The following HIBADH variants were observed in gnomAD, a reference collection of about 807,000 sequenced individuals.
HIBADH encodes the protein 3-hydroxyisobutyrate dehydrogenase, also known as 3-hydroxyisobutyrate dehydrogenase, mitochondrial.
HIBADH carries 25 observed loss-of-function variants against 36.1 expected under a neutral mutation model. The ratio of observed to expected loss-of-function variants is 0.69; its 90% CI spans 0.50 to 0.97. The LOEUF (loss-of-function observed/expected upper bound fraction) is 0.97, where lower values mean the gene tolerates loss of function less well. Ranked by LOEUF, HIBADH falls within the 50% of genes least tolerant of loss-of-function variation. The pLI, the probability that HIBADH is intolerant of heterozygous loss-of-function variation, is 0.00. For synonymous variants in HIBADH, 160 were observed against 149.5 expected (o/e 1.07, Z -0.51); for missense variants, 421 against 418.0 (o/e 1.01, Z -0.06).
chr7:27,571,721 T>A (rs953873060), intron 4 of HIBADH, among the ~76,000 whole-genome samples: 7 of 152,196 alleles, frequency 4.6e-5, no homozygotes, highest in Admixed American at 3.9e-4. Context: ...AGTTCTAAGA[T>A]TCCTGGATTA....
At chr7:27,562,895 AATC>A (rs1231167831) in intron 4 of HIBADH, among the ~76,000 whole-genome samples, 2 of 152,186 alleles carry the variant, frequency 1.3e-5, no homozygotes, top group Non-Finnish European at 2.9e-5. Context: ...GTCTATGTTT[AATC>A]ATCATTCCTT....
chr7:27,650,428 A>G (rs1182404219), intron 1 of HIBADH, among the ~76,000 whole-genome samples: 1 of 151,334 alleles, frequency 6.6e-6, no homozygotes, highest in African/African-American at 2.4e-5. Flanking sequence ...ACAACTCTGA[A>G]CTTTCAGAAA....
chr7:27,553,351 A>T (rs1034966158), intron 4 of HIBADH, among the ~76,000 whole-genome samples: 10 of 152,212 alleles, frequency 6.6e-5, no homozygotes, highest in African/African-American at 2.4e-4. Context: ...CCGTTCTTCT[A>T]TCCCAAGTTG....
At chr7:27,659,353 A>G (rs1311942528) in intron 1 of HIBADH, among the ~76,000 whole-genome samples, 2 of 152,246 alleles carry the variant, frequency 1.3e-5, no homozygotes, top group African/African-American at 2.4e-5. Context: ...CAAACAGGTG[A>G]TGAAATAGTA....
chr7:27,649,561 G>C lies in HIBADH; in HGVS notation c.164C>G (p.Ala55Gly). The change falls in exon 2 of 8, where the codon GCA (alanine) becomes GGA (glycine). Residue 55 changes from alanine to glycine, a missense_variant. Coordinates refer to ENST00000265395, the MANE Select transcript of HIBADH (RefSeq NM_152740.4). ...ATAGCCATGTTTCATGAGATTTTTT[G>C]CCATTGGATTCCCCATGTTGCCCAG... ...IGLGNMGNPM[A>G]KNLMKHGYPL... 6.2e-7 allele frequency: 1 copy of C among 1,613,788 alleles called. No individual in the cohort carries two copies. Among genetic ancestry groups the C allele is most frequent in the South Asian group, 1.1e-5 (1 of 91,062 alleles).
chr7:27,573,514 A>G (rs146780061), intron 4 of HIBADH, among the ~76,000 whole-genome samples: 1 of 152,224 alleles, frequency 6.6e-6, no homozygotes, highest in East Asian at 1.9e-4. Context: ...TTATTCTAAC[A>G]AAGTGGCTGA....
intron 4 of HIBADH, among the ~76,000 whole-genome samples, chr7:27,597,709 T>C (rs564433996): frequency 2.4e-4 from 36 of 152,306 alleles, no homozygotes; most frequent in Non-Finnish European, 4.7e-4. Context: ...GGCTTAAGAC[T>C]GCAGATGCTG....
rs534640683 is a variant in HIBADH at position 27,660,534 on chromosome 7, A to G, written c.91+2164T>C. On this transcript the variant is annotated intron_variant, in intron 1 of 7. Transcript: ENST00000265395. Reference sequence around the variant, plus strand: ...CAAAAAACTAGCCGGGCGTGGTGGCAGGCGCCTGTAGTCCCAGGTACTCCG... The same window carrying G: ...CAAAAAACTAGCCGGGCGTGGTGGCGGGCGCCTGTAGTCCCAGGTACTCCG... 6.0e-3 allele frequency among the ~76,000 whole-genome samples: 908 copies of G among 152,182 alleles called. 6 individuals are homozygous for G. Among genetic ancestry groups the G allele is most frequent in the Non-Finnish European group, 9.6e-3 (652 of 67,998 alleles).
chr7:27,543,763 GTGATA>G (rs1562616028), intron 4 of HIBADH, among the ~76,000 whole-genome samples: 1 of 151,994 alleles, frequency 6.6e-6, no homozygotes, highest in East Asian at 1.9e-4. Context: ...TTTATTTTTA[GTGATA>G]TGAGCAAGAA....
At chr7:27,606,945 C>T (rs1477064425) in intron 4 of HIBADH, among the ~76,000 whole-genome samples, 1 of 152,128 alleles carries the variant, frequency 6.6e-6, no homozygotes, top group Non-Finnish European at 1.5e-5. Flanking sequence ...CTTGCATGCT[C>T]TGGTCTCTGG....
At chr7:27,563,969 G>C (rs967266054) in intron 4 of HIBADH, among the ~76,000 whole-genome samples, 2 of 150,666 alleles carry the variant, frequency 1.3e-5, no homozygotes, top group Non-Finnish European at 2.9e-5. Flanking sequence ...CACGATCTCG[G>C]CTCACTGTAA....
Position 27,538,434 on chromosome 7 carries a change from T to C in HIBADH, c.619-17A>G. 1 of 1,604,548 alleles carries C rather than the reference T, an allele frequency of 6.2e-7. No homozygotes were observed. The highest frequency in any genetic ancestry group is 8.5e-7 in the Non-Finnish European group (1 of 1,172,160). ...CTTTGCCGCCTGAAAATAAATTGAGTACATATTAAATATCTGTATTTTCAA... is the reference window on the plus strand; with the variant it reads ...CTTTGCCGCCTGAAAATAAATTGAGCACATATTAAATATCTGTATTTTCAA... On this transcript the variant is annotated splice_polypyrimidine_tract_variant and intron_variant, in intron 5 of 7. Transcript: ENST00000265395.
At chr7:27,549,786 C>T (rs1267996970) in intron 4 of HIBADH, among the ~76,000 whole-genome samples, 1 of 152,170 alleles carries the variant, frequency 6.6e-6, no homozygotes, top group Admixed American at 6.5e-5. Flanking sequence ...GCTAATCTGT[C>T]TCCTAATCTT....
chr7:27,563,391 C>A (rs556169990), intron 4 of HIBADH, among the ~76,000 whole-genome samples: 2 of 152,020 alleles, frequency 1.3e-5, no homozygotes, highest in Non-Finnish European at 2.9e-5. Context: ...TTTCATTTAT[C>A]CAGGCTAGCA....
At chr7:27,531,435 C>CT in intron 6 of HIBADH, 87 bp from the exon 7 acceptor site, 1 of 1,171,780 alleles carries the variant, frequency 8.5e-7, no homozygotes, top group Non-Finnish European at 1.2e-6. Context: ...GCTCCATCTT[C>CT]TCTCTCCATT....
chr7:27,657,681 G>A (rs1786332241), intron 1 of HIBADH, among the ~76,000 whole-genome samples: 1 of 152,098 alleles, frequency 6.6e-6, no homozygotes, highest in Non-Finnish European at 1.5e-5. Flanking sequence ...AGAAAGGCCA[G>A]TATAATTAGA....
At position 27,575,207 on chromosome 7, in the gene HIBADH, G is replaced by C. The variant is rs1194239247; in HGVS notation, c.485-32107C>G. On this transcript the variant is annotated intron_variant, in intron 4 of 7. Transcript: ENST00000265395. ...TTTGTCAAGAATCTCTGGACTTACA[G>C]TGTAGCTGAGAACATAGGTATACAG... Among the ~76,000 whole-genome samples, 4 of 152,204 alleles carry C rather than the reference G, an allele frequency of 2.6e-5. No individual in the cohort carries two copies. The East Asian group carries it at 5.8e-4, about 22-fold the overall frequency.
At chr7:27,638,602 T>A (rs1031353096) in intron 2 of HIBADH, among the ~76,000 whole-genome samples, 2 of 152,052 alleles carry the variant, frequency 1.3e-5, no homozygotes, top group African/African-American at 2.4e-5. Flanking sequence ...TGAGACCTAA[T>A]TAAACTAAAC....
At chr7:27,655,248 T>G (rs561790144) in intron 1 of HIBADH, among the ~76,000 whole-genome samples, 7 of 152,326 alleles carry the variant, frequency 4.6e-5, no homozygotes, top group African/African-American at 9.6e-5. Flanking sequence ...AATGAAATTT[T>G]GAATGCAAAT....
Sources: gnomAD v4.1 joint callset for allele counts (sites outside exome capture counted in the v4.1 genomes callset) on GRCh38, gnomAD v4.1.1 for gene constraint, MANE v1.5 for transcripts, NCBI Gene and HGNC (gene_info 2026-07-23, HGNC 2026-07-21) for gene names.